Variants in PEX26 observed in about 807,000 individuals in gnomAD.
PEX26 encodes peroxisome assembly protein 26.
PEX26 carries 18 observed loss-of-function variants against 31.4 expected under a neutral mutation model. The observed-to-expected ratio is 0.57, with a 90% CI of 0.40 to 0.85. The LOEUF is 0.85. PEX26 is among the 40% of genes least tolerant of loss of function. The pLI, the probability that PEX26 is intolerant of heterozygous loss-of-function variation, is 0.00. For synonymous variants in PEX26, 176 were observed against 166.9 expected, an observed-to-expected ratio of 1.05 and a Z score of -0.42; for missense variants, 377 against 383.9, an observed-to-expected ratio of 0.98 and a Z score of 0.15.
At position 18,090,979 on chromosome 22, in the gene PEX26, T is replaced by C. The variant is rs555003472; in HGVS notation, c.*2904T>C. On this transcript the variant is annotated 3_prime_UTR_variant, in exon 5 of 5. Transcript: ENST00000399744. ...GTGTATGTGTTTGCACATGAGTGTT[T>C]GTAGACCATAGACCATTAAAAAATA... 1 of 152,324 alleles carries C rather than the reference T, an allele frequency of 6.6e-6. No individual in the cohort carries two copies. The highest frequency in any genetic ancestry group is 2.1e-4 in the South Asian group (1 of 4,822). 9.4% of individuals were successfully genotyped at this position (152,324 alleles called of 1,614,324 possible).
chr22:18,089,021 T>A lies in PEX26; in HGVS notation c.*946T>A. ...GGGTAAAGTGATCTTGCCTGGTGCC[T>A]CTTGGTCTTCAGCTCAATTTTCCAG... On this transcript the variant is annotated 3_prime_UTR_variant, in exon 5 of 5. Coordinates refer to ENST00000399744, the MANE Select transcript of PEX26 (RefSeq NM_001127649.3). The A allele has an allele frequency of 6.6e-6, 1 of 152,472 alleles. No individual in the cohort carries two copies. The highest frequency in any genetic ancestry group is 1.5e-5 in the Non-Finnish European group (1 of 68,130). 9.4% of individuals were successfully genotyped at this position (152,472 alleles called of 1,614,324 possible).
At chr22:18,078,684 TC>T in intron 1 of PEX26, 78 bp downstream of exon 1, 3 of 1,306,656 alleles carry the variant, frequency 2.3e-6, no homozygotes, top group South Asian at 1.2e-5. Flanking sequence ...GTTCTGTCCT[TC>T]CCAGATTGCC....
intron 1 of PEX26, chr22:18,078,935 C>T: frequency 2.2e-6 from 1 of 462,712 alleles, no homozygotes; most frequent in South Asian, 1.9e-5. Context: ...GTACCTCCGC[C>T]CTCCCCGCCC....
At chr22:18,079,829 T>C (rs114973307) in intron 1 of PEX26, 45 bp from the exon 2 acceptor site, 2 of 1,612,600 alleles carry the variant, frequency 1.2e-6, no homozygotes, top group East Asian at 4.5e-5. Flanking sequence ...GGAATGGAAA[T>C]GGAGGGGAAC....
Position 18,100,861 on chromosome 22 carries a change from G to A in PEX26, c.*12786G>A, listed in dbSNP as rs748009072. On this transcript the variant is annotated 3_prime_UTR_variant, in exon 5 of 5. Transcript: ENST00000399744. The stretch of plus-strand genomic sequence containing the variant: ...CCTAACAAACTGATCTATATGGAAA[G>A]GATTTTCAGCAAACATGCACAAACA... 1 of 152,174 alleles carries A rather than the reference G, an allele frequency of 6.6e-6. No homozygotes were observed. Among genetic ancestry groups the A allele is most frequent in the Non-Finnish European group, 1.5e-5 (1 of 68,030 alleles). 9.4% of individuals were successfully genotyped at this position (152,174 alleles called of 1,614,324 possible).
intron 2 of PEX26, among the ~76,000 whole-genome samples, chr22:18,080,386 G>C (rs1436615893): frequency 1.3e-5 from 2 of 150,694 alleles, no homozygotes; most frequent in African/African-American, 4.8e-5. Flanking sequence ...TTGGAGTGCA[G>C]TGGCACAGTC....
In PEX26 at chr22:18,100,426, A is replaced by G. The variant is rs1383316191; in HGVS notation, c.*12351A>G. 1 of 152,106 alleles carries G rather than the reference A, an allele frequency of 6.6e-6. No individual in the cohort carries two copies. 9.4% of individuals were successfully genotyped at this position (152,106 alleles called of 1,614,324 possible). On this transcript the variant is annotated 3_prime_UTR_variant, in exon 5 of 5. Coordinates refer to ENST00000399744, the MANE Select transcript of PEX26 (RefSeq NM_001127649.3). The stretch of plus-strand genomic sequence containing the variant: ...TAATAATAATAAAAAATAAAAGATG[A>G]TACTTGCAAAATACCTCAAGTGTAC...
In PEX26 at chr22:18,099,939, T is replaced by C. The variant is rs1470872783; in HGVS notation, c.*11864T>C. 6.6e-6 allele frequency: 1 copy of C among 152,262 alleles called. No homozygotes were observed. The highest frequency in any genetic ancestry group is 2.4e-5 in the African/African-American group (1 of 41,474). The allele number at this position is 152,262 out of a possible 1,614,324, so 9.4% of individuals were successfully genotyped here. A position where few individuals can be genotyped will look rare whatever the true frequency, so the allele number is the denominator to read the frequency against. ...GAGGTCCTCAATTACATCAAGATCC[T>C]TATTCCAAATAATGTCACATTCTGA... On this transcript the variant is annotated 3_prime_UTR_variant, in exon 5 of 5. Coordinates refer to ENST00000399744, the MANE Select transcript of PEX26 (RefSeq NM_001127649.3).
In PEX26 at chr22:18,091,455, A is replaced by G. The variant is rs1214296729; in HGVS notation, c.*3380A>G. ...CGAGATCAGCATGGCCAACATGGTG[A>G]AACCCCATCTCTACTAAAAATACAA... is the stretch of plus-strand genomic sequence containing the variant. On this transcript the variant is annotated 3_prime_UTR_variant, in exon 5 of 5. Coordinates refer to ENST00000399744, the MANE Select transcript of PEX26 (RefSeq NM_001127649.3). The G allele has an allele frequency of 7.0e-6, 1 of 142,984 alleles. No individual in the cohort carries two copies. The highest frequency in any genetic ancestry group is 1.5e-5 in the Non-Finnish European group (1 of 66,130). 8.9% of individuals were successfully genotyped at this position (142,984 alleles called of 1,614,324 possible).
At chr22:18,086,385 TC>T in intron 4 of PEX26, among the ~76,000 whole-genome samples, 1 of 152,248 alleles carries the variant, frequency 6.6e-6, no homozygotes, top group Non-Finnish European at 1.5e-5. Flanking sequence ...TCAGTCTTTT[TC>T]TATGGATATA....
intron 1 of PEX26, chr22:18,079,004 G>A: frequency 2.7e-6 from 1 of 376,204 alleles, no homozygotes. Flanking sequence ...GTCATGGCAG[G>A]AGCAGCGTTC....
chr22:18,084,443 C>T (rs1569188243), intron 3 of PEX26, among the ~76,000 whole-genome samples: 1 of 151,988 alleles, frequency 6.6e-6, no homozygotes, highest in Non-Finnish European at 1.5e-5. Context: ...CGGGGTTTCA[C>T]CGTGTTAGCC....
intron 4 of PEX26, among the ~76,000 whole-genome samples, chr22:18,087,734 A>C (rs1049287106): frequency 6.6e-6 from 1 of 152,000 alleles, no homozygotes; most frequent in East Asian, 1.9e-4. Context: ...ATGGTGGGGG[A>C]GGAGAACCTG....
intron 4 of PEX26, among the ~76,000 whole-genome samples, chr22:18,085,815 T>TGAGCCAA (rs1926819928): frequency 6.6e-6 from 1 of 152,060 alleles, no homozygotes; most frequent in Non-Finnish European, 1.5e-5. Context: ...GAGGTTGCAG[T>TGAGCCAA]GAGCCAAGAT....
rs1927131592 is a variant in PEX26, at chr22:18,092,366, A to T, written c.*4291A>T. On this transcript the variant is annotated 3_prime_UTR_variant, in exon 5 of 5. Coordinates refer to ENST00000399744, the MANE Select transcript of PEX26 (RefSeq NM_001127649.3). ...ACCTCAGTGTTTCGGGCTGGTAGGA[A>T]GCTACAGGACAGACAGTGGGCACGG... 6.6e-6 allele frequency: 1 copy of T among 152,280 alleles called. No homozygotes were observed. Among genetic ancestry groups the T allele is most frequent in the Non-Finnish European group, 1.5e-5 (1 of 68,078 alleles). 9.4% of individuals were successfully genotyped at this position (152,280 alleles called of 1,614,324 possible). A position where few individuals can be genotyped will look rare whatever the true frequency, so the allele number is the denominator to read the frequency against.
rs1167730271 is a variant in PEX26 at position 18,094,623 on chromosome 22, A to C, written c.*6548A>C. 1 of 152,190 alleles carries C rather than the reference A, an allele frequency of 6.6e-6. No homozygotes were observed. Among genetic ancestry groups the C allele is most frequent in the Admixed American group, 6.6e-5 (1 of 15,264 alleles). The allele number at this position is 152,190 out of a possible 1,614,324, so 9.4% of individuals were successfully genotyped here. A position where few individuals can be genotyped will look rare whatever the true frequency, so the allele number is the denominator to read the frequency against. ...CAGGTTCTTGCCCTCAGAAAAATGC[A>C]TGCATACTTTTATGTTACAGGCTTA... is the stretch of plus-strand genomic sequence containing the variant. On this transcript the variant is annotated 3_prime_UTR_variant, in exon 5 of 5. Coordinates refer to ENST00000399744, the MANE Select transcript of PEX26 (RefSeq NM_001127649.3).
Position 18,092,876 on chromosome 22 carries a change from AAAAAAC to A in PEX26, c.*4807_*4812del, listed in dbSNP as rs1927157243. ...TTTATAAAGCCAATTTTAAACAAGA[AAAAAAC>A]AAAAAGTTTACAAAAGAAAAAAAGA... On this transcript the variant is annotated 3_prime_UTR_variant, in exon 5 of 5. Transcript: ENST00000399744. 2 of 150,622 alleles carry A rather than the reference AAAAAAC, an allele frequency of 1.3e-5. No homozygotes were observed. The highest frequency in any genetic ancestry group is 4.1e-4 in the South Asian group (2 of 4,822). The allele number at this position is 150,622 out of a possible 1,614,324, so 9.3% of individuals were successfully genotyped here. A position where few individuals can be genotyped will look rare whatever the true frequency, so the allele number is the denominator to read the frequency against.
In PEX26 at chr22:18,091,146, T is replaced by C. The variant is rs361777; in HGVS notation, c.*3071T>C. ...GCCTCTGGAGTAGCTGGGCCTACAG[T>C]GTGTGCTGCCACACCCAGCTAATAC... On this transcript the variant is annotated 3_prime_UTR_variant, in exon 5 of 5. Coordinates refer to ENST00000399744, the MANE Select transcript of PEX26 (RefSeq NM_001127649.3). The C allele has an allele frequency of 0.32, 49,132 of 152,142 alleles. 8,257 individuals are homozygous for C. Among genetic ancestry groups the C allele is most frequent in the East Asian group, 0.59 (3,026 of 5,168 alleles). 9.4% of individuals were successfully genotyped at this position (152,142 alleles called of 1,614,324 possible). A position where few individuals can be genotyped will look rare whatever the true frequency, so the allele number is the denominator to read the frequency against.
Position 18,078,376 on chromosome 22 carries a change from T to G in PEX26, c.-1T>G. ...ACCTGGGCCTTGGACCCGGACTCGT[T>G]ATGAAGAGCGATTCTTCGACCTCTG... On this transcript the variant is annotated 5_prime_UTR_variant, in exon 1 of 5. Coordinates refer to ENST00000399744, the MANE Select transcript of PEX26 (RefSeq NM_001127649.3). 1 of 1,599,152 alleles carries G rather than the reference T, an allele frequency of 6.3e-7. No individual in the cohort carries two copies. The highest frequency in any genetic ancestry group is 8.5e-7 in the Non-Finnish European group (1 of 1,173,330).
Sources: gnomAD v4.1 joint callset for allele counts (sites outside exome capture counted in the v4.1 genomes callset) on GRCh38, gnomAD v4.1.1 for gene constraint, MANE v1.5 for transcripts, NCBI Gene and HGNC (gene_info 2026-07-23, HGNC 2026-07-21) for gene names.